Variants in KCNIP4 observed in about 807,000 individuals in gnomAD.
KCNIP4 encodes the protein potassium voltage-gated channel interacting protein 4.
A neutral mutation model predicts 34.0 loss-of-function variants in KCNIP4; 12 were observed. The ratio of observed to expected loss-of-function variants is 0.35; its 90% confidence interval spans 0.23 to 0.57. The LOEUF (loss-of-function observed/expected upper bound fraction) is 0.57. Among genes scored for constraint, KCNIP4 ranks in the 20% least tolerant of loss-of-function variants. KCNIP4 has a pLI of 0.83. For missense variants in KCNIP4, 238 were observed against 311.7 expected (o/e 0.76, Z 1.78); for synonymous variants, 124 against 102.2 (o/e 1.21, Z -1.29).
At chr4:20,974,534 C>T (rs967614722) in intron 1 of KCNIP4, among the ~76,000 whole-genome samples, 1 of 152,090 alleles carries the variant, frequency 6.6e-6, no homozygotes, top group Non-Finnish European at 1.5e-5. Context: ...CTTGGAAATG[C>T]TAAGGTAGGT....
chr4:20,978,045 C>G (rs891423183), intron 1 of KCNIP4, among the ~76,000 whole-genome samples: 1 of 152,158 alleles, frequency 6.6e-6, no homozygotes, highest in East Asian at 1.9e-4. Flanking sequence ...GGCAATAAAT[C>G]TAAACGTTTT....
chr4:20,909,931 G>A (rs892551138), intron 1 of KCNIP4, among the ~76,000 whole-genome samples: 1 of 152,192 alleles, frequency 6.6e-6, no homozygotes, highest in African/African-American at 2.4e-5. Flanking sequence ...TGCCAGCACC[G>A]ATATCACTGA....
intron 1 of KCNIP4, among the ~76,000 whole-genome samples, chr4:21,139,326 A>T (rs1354097971): frequency 6.6e-6 from 1 of 152,188 alleles, no homozygotes; most frequent in African/African-American, 2.4e-5. Context: ...AAAAGTAAGC[A>T]CCTCTTTCAG....
intron 1 of KCNIP4, among the ~76,000 whole-genome samples, chr4:21,473,726 T>TTC (rs1351007453): frequency 2.6e-5 from 4 of 151,752 alleles, no homozygotes; most frequent in African/African-American, 9.7e-5. Flanking sequence ...TTTTTTTTTT[T>TTC]TTTTTAAGAC....
intron 1 of KCNIP4, among the ~76,000 whole-genome samples, chr4:21,800,631 G>T (rs1345389717): frequency 6.6e-6 from 1 of 152,138 alleles, no homozygotes; most frequent in African/African-American, 2.4e-5. Flanking sequence ...TGTTTTCGAT[G>T]AATGGTTTCT....
chr4:21,754,372 A>T (rs897443736), intron 1 of KCNIP4, among the ~76,000 whole-genome samples: 1 of 152,166 alleles, frequency 6.6e-6, no homozygotes, highest in African/African-American at 2.4e-5. Context: ...TCCTTGCTAG[A>T]ATATAAAGTG....
intron 1 of KCNIP4, among the ~76,000 whole-genome samples, chr4:21,519,117 C>T (rs1735033494): frequency 6.6e-6 from 1 of 151,960 alleles, no homozygotes; most frequent in Non-Finnish European, 1.5e-5. Flanking sequence ...AAATCCTAAC[C>T]CCCAGTGTGA....
At chr4:21,027,261 G>A (rs1285416242) in intron 1 of KCNIP4, among the ~76,000 whole-genome samples, 1 of 152,132 alleles carries the variant, frequency 6.6e-6, no homozygotes, top group African/African-American at 2.4e-5. Context: ...TTGGCACATG[G>A]CCACACGTAT....
intron 2 of KCNIP4, among the ~76,000 whole-genome samples, chr4:20,852,796 A>G (rs1357403719): frequency 2.2e-4 from 34 of 152,236 alleles, no homozygotes; most frequent in Non-Finnish European, 8.8e-5. Context: ...CAGAAAATTA[A>G]TGTACAAAAA....
intron 1 of KCNIP4, among the ~76,000 whole-genome samples, chr4:21,721,585 T>C (rs1714824740): frequency 6.6e-6 from 1 of 152,156 alleles, no homozygotes; most frequent in Non-Finnish European, 1.5e-5. Context: ...TTATAAGTAA[T>C]TTCTGGGGGC....
At chr4:21,868,334 AT>A (rs1264590713) in intron 1 of KCNIP4, among the ~76,000 whole-genome samples, 1 of 152,202 alleles carries the variant, frequency 6.6e-6, no homozygotes, top group Non-Finnish European at 1.5e-5. Flanking sequence ...CGCATTTTAT[AT>A]GTGTATATTG....
At chr4:20,848,765 C>G (rs1200252794) in intron 3 of KCNIP4, among the ~76,000 whole-genome samples, 1 of 151,706 alleles carries the variant, frequency 6.6e-6, no homozygotes, top group African/African-American at 2.4e-5. Context: ...CTCCTGTGTT[C>G]AACAAACATT....
At chr4:21,634,088 A>G (rs1745946269) in intron 1 of KCNIP4, among the ~76,000 whole-genome samples, 1 of 151,966 alleles carries the variant, frequency 6.6e-6, no homozygotes, top group South Asian at 2.1e-4. Flanking sequence ...AACCAGCTAA[A>G]AGAATCTCAG....
At chr4:21,250,898 A>C (rs1760651571) in intron 1 of KCNIP4, among the ~76,000 whole-genome samples, 1 of 150,310 alleles carries the variant, frequency 6.7e-6, no homozygotes, top group Non-Finnish European at 1.5e-5. Context: ...TATTATACTC[A>C]TATATGTTTC....
chr4:21,266,595 A>C (rs1216330547), intron 1 of KCNIP4, among the ~76,000 whole-genome samples: 1 of 152,218 alleles, frequency 6.6e-6, no homozygotes, highest in African/African-American at 2.4e-5. Flanking sequence ...GAAGTAAAAA[A>C]TGAGGACGTT....
At chr4:21,871,568 C>T (rs1301265261) in intron 1 of KCNIP4, among the ~76,000 whole-genome samples, 2 of 151,950 alleles carry the variant, frequency 1.3e-5, no homozygotes, top group Non-Finnish European at 2.9e-5. Context: ...CACATGTTCT[C>T]ACTTATAGGT....
chr4:21,224,120 C>T (rs948830045), intron 1 of KCNIP4, among the ~76,000 whole-genome samples: 2 of 152,144 alleles, frequency 1.3e-5, no homozygotes, highest in African/African-American at 4.8e-5. Context: ...ATCTGCCCAG[C>T]CCTTCAAGAT....
chr4:20,778,577 C>T (rs1756579619), intron 3 of KCNIP4, among the ~76,000 whole-genome samples: 1 of 152,134 alleles, frequency 6.6e-6, no homozygotes, highest in Non-Finnish European at 1.5e-5. Context: ...GATGATACTA[C>T]TGGGGGAAAT....
chr4:21,546,807 C>T (rs1344793372), intron 1 of KCNIP4, among the ~76,000 whole-genome samples: 3 of 151,984 alleles, frequency 2.0e-5, no homozygotes, highest in African/African-American at 7.2e-5. Flanking sequence ...TACCATAGAA[C>T]ATCAAGCTGA....
Sources: allele counts gnomAD v4.1 joint callset (sites outside exome capture counted in the v4.1 genomes callset), GRCh38; gene constraint gnomAD v4.1.1; transcripts MANE v1.5; gene names NCBI Gene and HGNC (gene_info 2026-07-23, HGNC 2026-07-21).